The following CNTN5 variants were observed in gnomAD, a reference collection of about 807,000 sequenced individuals.
CNTN5 encodes contactin 5.
CNTN5 carries 77 observed loss-of-function variants against 129.1 expected under a neutral mutation model. The observed-to-expected ratio is 0.60, with a 90% CI of 0.50 to 0.72. The LOEUF (loss-of-function observed/expected upper bound fraction) is 0.72, where lower values mean the gene tolerates loss of function less well. Among genes scored for constraint, CNTN5 ranks in the 30% least tolerant of loss-of-function variants. CNTN5 has a pLI of 0.00. For synonymous variants in CNTN5, 509 were observed against 465.6 expected, an observed-to-expected ratio of 1.09 and a Z score of -1.20; for missense variants, 1,478 against 1,328.8, an observed-to-expected ratio of 1.11 and a Z score of -1.75.
chr11:99,611,029 G>A (rs1004057106), intron 3 of CNTN5, among the ~76,000 whole-genome samples: 1 of 152,088 alleles, frequency 6.6e-6, no homozygotes, highest in Admixed American at 6.6e-5. Context: ...TGCACTCAAG[G>A]TGCTGGTGAA....
At chr11:99,757,912 TA>T (rs1431128754) in intron 3 of CNTN5, among the ~76,000 whole-genome samples, 9 of 152,062 alleles carry the variant, frequency 5.9e-5, no homozygotes, top group African/African-American at 1.9e-4. Context: ...CAGAAGGTTC[TA>T]AAAATAGTAA....
chr11:99,422,518 TTATATATA>T lies in CNTN5; in HGVS notation c.-71+97070_-71+97077del, dbSNP rs71046684. Among the ~76,000 whole-genome samples, 704 of 83,392 alleles carry T rather than the reference TTATATATA, an allele frequency of 8.4e-3. 4 individuals are homozygous for T. Among genetic ancestry groups the T allele is most frequent in the Middle Eastern group, 0.012 (2 of 168 alleles). 54.7% of individuals were successfully genotyped at this position (83,392 alleles called of 152,430 possible). ...AAGCGATTCATGTTACTTTATATTT[TTATATATA>T]TATATATATATATATATATATATAT... On this transcript the variant is annotated intron_variant, in intron 2 of 24. Coordinates refer to ENST00000524871, the MANE Select transcript of CNTN5 (RefSeq NM_014361.4).
At chr11:99,914,247 A>G (rs966386097) in intron 6 of CNTN5, among the ~76,000 whole-genome samples, 4 of 152,098 alleles carry the variant, frequency 2.6e-5, no homozygotes, top group African/African-American at 9.7e-5. Context: ...AATATACATT[A>G]AAGTCCTGCC....
chr11:99,907,747 T>C (rs192227604), intron 6 of CNTN5, among the ~76,000 whole-genome samples: 24 of 152,118 alleles, frequency 1.6e-4, no homozygotes, highest in African/African-American at 5.8e-4. Flanking sequence ...AGCAACTTTT[T>C]TCTATGTTAG....
intron 1 of CNTN5, among the ~76,000 whole-genome samples, chr11:99,238,056 A>G (rs1486711114): frequency 6.6e-6 from 1 of 152,182 alleles, no homozygotes; most frequent in African/African-American, 2.4e-5. Flanking sequence ...CTGTAAGTTG[A>G]ATATAATGTC....
At chr11:99,787,827 G>C (rs751143697) in intron 3 of CNTN5, among the ~76,000 whole-genome samples, 1 of 151,808 alleles carries the variant, frequency 6.6e-6, no homozygotes, top group Non-Finnish European at 1.5e-5. Flanking sequence ...ATTCTATAAG[G>C]CTTAAATTCC....
chr11:99,892,619 C>G (rs571880037), intron 6 of CNTN5, among the ~76,000 whole-genome samples: 134 of 152,184 alleles, frequency 8.8e-4, no homozygotes, highest in African/African-American at 3.1e-3. Context: ...TCAGGTTTGT[C>G]AAAGATCAAA....
At chr11:100,147,103 C>T (rs961924306) in intron 13 of CNTN5, among the ~76,000 whole-genome samples, 1 of 152,096 alleles carries the variant, frequency 6.6e-6, no homozygotes, top group Admixed American at 6.6e-5. Context: ...TTTAGCATGG[C>T]AAACAAGGTC....
intron 2 of CNTN5, among the ~76,000 whole-genome samples, chr11:99,513,118 A>G (rs1265557979): frequency 6.6e-6 from 1 of 152,178 alleles, no homozygotes; most frequent in Non-Finnish European, 1.5e-5. Flanking sequence ...TATTGCCAAT[A>G]GAGAGAAAGT....
At chr11:99,981,216 C>T (rs1411085278) in intron 8 of CNTN5, among the ~76,000 whole-genome samples, 1 of 151,588 alleles carries the variant, frequency 6.6e-6, no homozygotes, top group African/African-American at 2.4e-5. Flanking sequence ...CCCTGGAATG[C>T]TCATAGTGTG....
chr11:99,578,730 C>A (rs1203186384), intron 3 of CNTN5, among the ~76,000 whole-genome samples: 1 of 151,730 alleles, frequency 6.6e-6, no homozygotes, highest in East Asian at 1.9e-4. Context: ...TGGATATTAG[C>A]CCTTTGTCAG....
intron 13 of CNTN5, among the ~76,000 whole-genome samples, chr11:100,089,707 A>G (rs1048911865): frequency 1.3e-5 from 2 of 152,178 alleles, no homozygotes; most frequent in Non-Finnish European, 2.9e-5. Context: ...ATGGAATACT[A>G]TGAAGCCATA....
At chr11:100,021,809 A>AGCC (rs1941166856) in intron 9 of CNTN5, among the ~76,000 whole-genome samples, 1 of 152,184 alleles carries the variant, frequency 6.6e-6, no homozygotes, top group African/African-American at 2.4e-5. Context: ...CTGACAGTGC[A>AGCC]GCCTTTAGTG....
intron 6 of CNTN5, among the ~76,000 whole-genome samples, chr11:99,904,045 C>G (rs1321244756): frequency 6.6e-6 from 1 of 152,030 alleles, no homozygotes; most frequent in Non-Finnish European, 1.5e-5. Context: ...AAGGGGAACT[C>G]TTTTTAATGA....
At chr11:99,034,146 T>C (rs1004654253) in intron 1 of CNTN5, among the ~76,000 whole-genome samples, 2 of 152,222 alleles carry the variant, frequency 1.3e-5, no homozygotes, top group African/African-American at 4.8e-5. Context: ...ATAAGCTTTT[T>C]GATGTGCTGC....
At chr11:100,064,329 T>C (rs1316339063) in intron 10 of CNTN5, among the ~76,000 whole-genome samples, 1 of 152,162 alleles carries the variant, frequency 6.6e-6, no homozygotes, top group African/African-American at 2.4e-5. Flanking sequence ...GTCAAAGCAT[T>C]ATAAAAGTGC....
chr11:99,842,052 CGCCCAGCTAATT>C (rs1947524382), intron 4 of CNTN5, among the ~76,000 whole-genome samples: 1 of 151,730 alleles, frequency 6.6e-6, no homozygotes, highest in South Asian at 2.1e-4. Context: ...CGCACCACCA[CGCCCAGCTAATT>C]TTGTATGTTT....
At chr11:100,104,208 C>A (rs1317235055) in intron 13 of CNTN5, among the ~76,000 whole-genome samples, 4 of 151,508 alleles carry the variant, frequency 2.6e-5, no homozygotes, top group Non-Finnish European at 5.9e-5. Context: ...AATTCTCCTG[C>A]CTCAGCCTCC....
At chr11:99,548,055 T>A (rs1420938747) in intron 2 of CNTN5, among the ~76,000 whole-genome samples, 1 of 152,174 alleles carries the variant, frequency 6.6e-6, no homozygotes, top group African/African-American at 2.4e-5. Flanking sequence ...TAATAACAAT[T>A]ATATGTGTTT....
Sources: gnomAD v4.1 joint callset for allele counts (sites outside exome capture counted in the v4.1 genomes callset) on GRCh38, gnomAD v4.1.1 for gene constraint, MANE v1.5 for transcripts, NCBI Gene and HGNC (gene_info 2026-07-23, HGNC 2026-07-21) for gene names.